The following CIMIP6 variants were observed in gnomAD, a reference collection of about 807,000 sequenced individuals.
CIMIP6 encodes the protein uncharacterized protein C2orf73.
the CIMIP6 span, among the ~76,000 whole-genome samples, chr2:54,352,736 T>G: frequency 6.6e-6 from 1 of 152,214 alleles, no homozygotes; most frequent in East Asian, 1.9e-4. Flanking sequence ...GCATATAACC[T>G]ACGCACATCT....
the CIMIP6 span, among the ~76,000 whole-genome samples, chr2:54,363,835 A>G: frequency 6.6e-6 from 1 of 152,180 alleles, no homozygotes; most frequent in Non-Finnish European, 1.5e-5. Flanking sequence ...TTTAACCATT[A>G]GGAAATAACA....
At chr2:54,348,167 T>G in the CIMIP6 span, among the ~76,000 whole-genome samples, 4 of 152,338 alleles carry the variant, frequency 2.6e-5, no homozygotes, top group East Asian at 7.7e-4. Context: ...CTTAGTATTA[T>G]GTGAACCTGA....
At chr2:54,358,609 G>A in the CIMIP6 span, among the ~76,000 whole-genome samples, 1 of 152,032 alleles carries the variant, frequency 6.6e-6, no homozygotes, top group South Asian at 2.1e-4. Context: ...CCCCAGGCTA[G>A]TCCTCAAACT....
At chr2:54,354,090 C>T in the CIMIP6 span, among the ~76,000 whole-genome samples, 5 of 152,112 alleles carry the variant, frequency 3.3e-5, no homozygotes, top group African/African-American at 9.7e-5. Flanking sequence ...TTTCTGAAAA[C>T]CATTTATAAA....
the CIMIP6 span, among the ~76,000 whole-genome samples, chr2:54,364,156 G>C: frequency 2.6e-5 from 4 of 152,110 alleles, no homozygotes; most frequent in African/African-American, 9.7e-5. Context: ...AATGCAAAGG[G>C]TGTGTCTCTC....
chr2:54,376,166 G>T, the CIMIP6 span, among the ~76,000 whole-genome samples: 1 of 151,510 alleles, frequency 6.6e-6, no homozygotes, highest in Non-Finnish European at 1.5e-5. Context: ...CTCCTGAGTA[G>T]CTGGGACCAC....
chr2:54,382,120 A>C, the CIMIP6 span: 1 of 1,124,754 alleles, frequency 8.9e-7, no homozygotes, highest in Non-Finnish European at 1.2e-6. Context: ...TACTATAGAA[A>C]TGTGAACAAT....
chr2:54,346,463 TCTC>T, the CIMIP6 span, among the ~76,000 whole-genome samples: 2 of 152,158 alleles, frequency 1.3e-5, no homozygotes, highest in African/African-American at 4.8e-5. Context: ...CTACTTAACA[TCTC>T]CTCTTGGATA....
chr2:54,355,570 C>T, the CIMIP6 span, among the ~76,000 whole-genome samples: 4 of 151,978 alleles, frequency 2.6e-5, no homozygotes, highest in African/African-American at 7.3e-5. Context: ...CTTCCCTTCC[C>T]TCTATTTCTT....
chr2:54,368,271 C>T, the CIMIP6 span, among the ~76,000 whole-genome samples: 1 of 151,724 alleles, frequency 6.6e-6, no homozygotes, highest in South Asian at 2.1e-4. Context: ...AAACATCAGT[C>T]AATAAAGTTA....
the CIMIP6 span, among the ~76,000 whole-genome samples, chr2:54,356,788 A>G: frequency 5.3e-5 from 8 of 152,240 alleles, no homozygotes; most frequent in Non-Finnish European, 8.8e-5. Flanking sequence ...CAACTAGGAA[A>G]TGTGGTAAAG....
At chr2:54,352,221 G>T in the CIMIP6 span, among the ~76,000 whole-genome samples, 1 of 151,788 alleles carries the variant, frequency 6.6e-6, no homozygotes, top group Non-Finnish European at 1.5e-5. Flanking sequence ...AATTAAAAAG[G>T]TTTACCAACC....
the CIMIP6 span, chr2:54,330,898 T>G: frequency 1.4e-6 from 2 of 1,442,174 alleles, no homozygotes; most frequent in Non-Finnish European, 1.9e-6. Flanking sequence ...TCGCCGCGCT[T>G]TGCGCACCCT....
the CIMIP6 span, among the ~76,000 whole-genome samples, chr2:54,355,417 G>A: frequency 2.0e-5 from 3 of 152,166 alleles, no homozygotes; most frequent in Admixed American, 6.5e-5. Context: ...CCTCCTTAAA[G>A]TTTTGCATCC....
the CIMIP6 span, among the ~76,000 whole-genome samples, chr2:54,363,478 T>A: frequency 6.6e-6 from 1 of 152,144 alleles, no homozygotes; most frequent in Non-Finnish European, 1.5e-5. Context: ...ACTTTTCAAG[T>A]TGATAAATGG....
At chr2:54,350,819 GAAAGCACAGCT>G in the CIMIP6 span, among the ~76,000 whole-genome samples, 1 of 152,304 alleles carries the variant, frequency 6.6e-6, no homozygotes, top group South Asian at 2.1e-4. Context: ...TTTAATGAAT[GAAAGCACAGCT>G]AAATGCAGAA....
At chr2:54,371,030 A>C in the CIMIP6 span, among the ~76,000 whole-genome samples, 2 of 152,314 alleles carry the variant, frequency 1.3e-5, no homozygotes, top group South Asian at 4.1e-4. Context: ...AATTCAGGAA[A>C]AATTCCTCAG....
the CIMIP6 span, among the ~76,000 whole-genome samples, chr2:54,354,274 T>G: frequency 6.6e-6 from 1 of 152,158 alleles, no homozygotes; most frequent in Non-Finnish European, 1.5e-5. Flanking sequence ...TCTTAATATC[T>G]GATATGGAAA....
the CIMIP6 span, among the ~76,000 whole-genome samples, chr2:54,334,388 T>G: frequency 3.3e-5 from 5 of 152,220 alleles, no homozygotes; most frequent in African/African-American, 1.2e-4. Flanking sequence ...TTAATTGGTT[T>G]ATCCTTGTCC....
Sources: allele counts gnomAD v4.1 joint callset (sites outside exome capture counted in the v4.1 genomes callset), GRCh38; gene constraint gnomAD v4.1.1; transcripts MANE v1.5; gene names NCBI Gene and HGNC (gene_info 2026-07-23, HGNC 2026-07-21).